Variants in MAML3 observed in about 807,000 individuals in gnomAD.
MAML3 encodes mastermind like transcriptional coactivator 3.
In MAML3, 27 loss-of-function variants were observed where a neutral mutation model predicts 101.9. The ratio of observed to expected loss-of-function variants is 0.27; its 90% CI spans 0.20 to 0.37. The LOEUF is 0.37. MAML3 is among the 10% of genes least tolerant of loss of function. The probability of loss-of-function intolerance (pLI) is 1.00; values close to 1 mark genes in which losing one functional copy is unlikely to be tolerated. For synonymous variants in MAML3, 501 were observed against 555.9 expected (o/e 0.90, Z 1.39); for missense variants, 1,316 against 1,444.9 (o/e 0.91, Z 1.45).
At chr4:139,765,265 T>A (rs1729835839) in intron 2 of MAML3, among the ~76,000 whole-genome samples, 2 of 152,258 alleles carry the variant, frequency 1.3e-5, no homozygotes. Flanking sequence ...GTATGCACAT[T>A]GTCTAAAACT....
At chr4:139,759,738 T>G (rs2111051878) in intron 2 of MAML3, among the ~76,000 whole-genome samples, 1 of 152,364 alleles carries the variant, frequency 6.6e-6, no homozygotes, top group Non-Finnish European at 1.5e-5. Flanking sequence ...ATAAAAATAT[T>G]TTTTTGCATC....
At chr4:140,087,016 C>T (rs1039518111) in intron 1 of MAML3, among the ~76,000 whole-genome samples, 1 of 152,036 alleles carries the variant, frequency 6.6e-6, no homozygotes, top group African/African-American at 2.4e-5. Context: ...AAAACTTAGC[C>T]GGGCATAGTG....
intron 1 of MAML3, among the ~76,000 whole-genome samples, chr4:139,905,403 AAT>A (rs1732802903): frequency 6.7e-6 from 1 of 148,164 alleles, no homozygotes; most frequent in Non-Finnish European, 1.5e-5. Flanking sequence ...GAAGCAGAAG[AAT>A]GGCATGAACC....
intron 2 of MAML3, among the ~76,000 whole-genome samples, chr4:139,869,595 C>A (rs1731961948): frequency 6.6e-6 from 1 of 152,140 alleles, no homozygotes; most frequent in African/African-American, 2.4e-5. Flanking sequence ...GGCATGCAGA[C>A]AAGAAATACA....
intron 1 of MAML3, among the ~76,000 whole-genome samples, chr4:140,002,699 A>G (rs923081968): frequency 6.6e-6 from 1 of 152,210 alleles, no homozygotes; most frequent in Non-Finnish European, 1.5e-5. Context: ...CTCAAGGATA[A>G]TATGCCCTGG....
intron 1 of MAML3, among the ~76,000 whole-genome samples, chr4:139,944,165 C>T (rs535389673): frequency 8.6e-5 from 13 of 151,330 alleles, no homozygotes; most frequent in Admixed American, 2.6e-4. Flanking sequence ...CCACCGTGCC[C>T]GGCCTAAAGA....
At chr4:139,933,229 T>C (rs1171128526) in intron 1 of MAML3, among the ~76,000 whole-genome samples, 1 of 152,130 alleles carries the variant, frequency 6.6e-6, no homozygotes, top group Non-Finnish European at 1.5e-5. Context: ...AGACAGATGA[T>C]AGATGGAACC....
At chr4:139,960,121 A>C (rs1560849558) in intron 1 of MAML3, among the ~76,000 whole-genome samples, 2 of 152,166 alleles carry the variant, frequency 1.3e-5, no homozygotes. Context: ...TGGGGGAGGA[A>C]GGTATGGAGC....
intron 1 of MAML3, among the ~76,000 whole-genome samples, chr4:139,946,923 A>ACTCTCT (rs1306650267): frequency 1.6e-5 from 1 of 62,172 alleles, no homozygotes; most frequent in African/African-American, 8.0e-5. Context: ...ACACACACAC[A>ACTCTCT]CACTCTCTCT....
intron 2 of MAML3, among the ~76,000 whole-genome samples, chr4:139,786,870 T>C (rs528889171): frequency 1.1e-3 from 168 of 152,300 alleles, no homozygotes; most frequent in African/African-American, 3.9e-3. Flanking sequence ...ATATTGACTT[T>C]AGGGAAACAT....
At chr4:139,957,602 A>C (rs1733936811) in intron 1 of MAML3, among the ~76,000 whole-genome samples, 1 of 152,202 alleles carries the variant, frequency 6.6e-6, no homozygotes, top group Admixed American at 6.5e-5. Context: ...TGGTGAATCC[A>C]GTGTTTGGAC....
At chr4:139,751,085 G>C (rs1729486733) in intron 2 of MAML3, among the ~76,000 whole-genome samples, 1 of 152,196 alleles carries the variant, frequency 6.6e-6, no homozygotes, top group South Asian at 2.1e-4. Flanking sequence ...CTGGCCTGCA[G>C]AGTAGGCAAA....
intron 1 of MAML3, among the ~76,000 whole-genome samples, chr4:140,117,531 T>C (rs1218819080): frequency 4.6e-5 from 7 of 152,068 alleles, no homozygotes; most frequent in African/African-American, 1.7e-4. Flanking sequence ...CAGTTTTTTA[T>C]ACTGCAAAAT....
chr4:140,072,522 T>C (rs994816994), intron 1 of MAML3, among the ~76,000 whole-genome samples: 1 of 151,440 alleles, frequency 6.6e-6, no homozygotes, highest in Non-Finnish European at 1.5e-5. Context: ...AATTCAAAAT[T>C]AGCCAGGCAT....
chr4:140,012,869 C>A (rs1726585510), intron 1 of MAML3, among the ~76,000 whole-genome samples: 2 of 152,182 alleles, frequency 1.3e-5, no homozygotes, highest in African/African-American at 2.4e-5. Flanking sequence ...CAGGTTTCTA[C>A]CCTCAAACTC....
intron 2 of MAML3, among the ~76,000 whole-genome samples, chr4:139,757,973 GC>G: frequency 6.6e-6 from 1 of 152,158 alleles, no homozygotes; most frequent in Non-Finnish European, 1.5e-5. Context: ...TCCTCCACTA[GC>G]CTTCTCATTG....
intron 2 of MAML3, among the ~76,000 whole-genome samples, chr4:139,783,615 C>T (rs954285728): frequency 4.6e-5 from 7 of 152,198 alleles, no homozygotes; most frequent in African/African-American, 1.4e-4. Context: ...GATCAATACC[C>T]GCTTCTTTAA....
Position 139,864,922 on chromosome 4 carries a change from G to GGTT in MAML3, c.2079+24434_2079+24435insAAC, listed in dbSNP as rs1731864895. 1.9e-4 allele frequency among the ~76,000 whole-genome samples: 2 copies of GGTT among 10,426 alleles called. 1 individual carries two copies. The highest frequency in any genetic ancestry group is 1.8e-3 in the African/African-American group (2 of 1,094). The allele number at this position is 10,426 out of a possible 152,430, so 6.8% of individuals were successfully genotyped here. A position where few individuals can be genotyped will look rare whatever the true frequency, so the allele number is the denominator to read the frequency against. On this transcript the variant is annotated intron_variant, in intron 2 of 4. Coordinates refer to ENST00000509479, the MANE Select transcript of MAML3 (RefSeq NM_018717.5). Reference sequence around the variant, plus strand: ...TTTAGGAAAATAGTAATGCAAACTTGCTTTTTTTTTTTTTTTTTTTTTTTT... The same window carrying GGTT: ...TTTAGGAAAATAGTAATGCAAACTTGGTTCTTTTTTTTTTTTTTTTTTTTTTTT...
chr4:139,805,762 T>G (rs1419371944), intron 2 of MAML3, among the ~76,000 whole-genome samples: 3 of 151,898 alleles, frequency 2.0e-5, no homozygotes, highest in African/African-American at 7.3e-5. Flanking sequence ...TCTGGAAAAA[T>G]AAACTGGGAG....
Sources: allele counts gnomAD v4.1 joint callset (sites outside exome capture counted in the v4.1 genomes callset), GRCh38; gene constraint gnomAD v4.1.1; transcripts MANE v1.5; gene names NCBI Gene and HGNC (gene_info 2026-07-23, HGNC 2026-07-21).